Variants in SH3GL2 observed in about 807,000 individuals in gnomAD.
The protein encoded by SH3GL2 is endophilin-A1.
Under a neutral mutation model 46.0 loss-of-function variants are expected in SH3GL2, and 24 were observed. That is an observed-to-expected ratio of 0.52 (90% confidence interval 0.38 to 0.73). SH3GL2 has a LOEUF of 0.73. Among genes scored for constraint, SH3GL2 ranks in the 30% least tolerant of loss-of-function variants. The pLI is 0.00. For synonymous variants in SH3GL2, 196 were observed against 147.1 expected (o/e 1.33, Z -2.40); for missense variants, 413 against 424.2 (o/e 0.97, Z 0.23).
chr9:17,783,771 A>G (rs1189906974), intron 3 of SH3GL2, among the ~76,000 whole-genome samples: 1 of 152,130 alleles, frequency 6.6e-6, no homozygotes, highest in Non-Finnish European at 1.5e-5. Context: ...CCTTCTGGGA[A>G]TCACCTAGAA....
intron 1 of SH3GL2, among the ~76,000 whole-genome samples, chr9:17,636,484 C>G (rs928475912): frequency 4.6e-5 from 7 of 152,272 alleles, no homozygotes; most frequent in South Asian, 2.1e-4. Context: ...TTGCATTCTC[C>G]ACGTTGATCA....
chr9:17,739,422 A>G (rs1822458075), intron 1 of SH3GL2, among the ~76,000 whole-genome samples: 1 of 152,046 alleles, frequency 6.6e-6, no homozygotes, highest in African/African-American at 2.4e-5. Flanking sequence ...TGTTATTAGC[A>G]GATACTGTCT....
intron 1 of SH3GL2, among the ~76,000 whole-genome samples, chr9:17,629,180 T>C (rs1257638622): frequency 6.6e-6 from 1 of 152,212 alleles, no homozygotes; most frequent in Non-Finnish European, 1.5e-5. Flanking sequence ...GTGTGTGATC[T>C]GGATTAGTCA....
At chr9:17,744,289 A>T (rs1053503211) in intron 1 of SH3GL2, among the ~76,000 whole-genome samples, 5 of 152,200 alleles carry the variant, frequency 3.3e-5, no homozygotes, top group Non-Finnish European at 5.9e-5. Context: ...GGACAATATT[A>T]ATAACCTTTA....
chr9:17,714,269 G>A (rs111769864), intron 1 of SH3GL2, among the ~76,000 whole-genome samples: 32 of 151,456 alleles, frequency 2.1e-4, no homozygotes, highest in African/African-American at 7.3e-4. Context: ...TTGTAGGTTT[G>A]TAGTAAGCAA....
intron 3 of SH3GL2, among the ~76,000 whole-genome samples, chr9:17,784,035 CAG>C (rs1427929832): frequency 6.6e-6 from 1 of 152,014 alleles, no homozygotes; most frequent in Non-Finnish European, 1.5e-5. Context: ...TTTAATAACA[CAG>C]AAGTTTCATT....
intron 1 of SH3GL2, among the ~76,000 whole-genome samples, chr9:17,677,176 T>G (rs1185398047): frequency 1.3e-5 from 2 of 152,246 alleles, no homozygotes; most frequent in East Asian, 3.9e-4. Flanking sequence ...GAAAAACATT[T>G]TTTTTTCCTG....
chr9:17,746,774 T>A (rs751577687), intron 1 of SH3GL2, among the ~76,000 whole-genome samples: 6 of 152,136 alleles, frequency 3.9e-5, no homozygotes, highest in Non-Finnish European at 8.8e-5. Context: ...GAGGAAAATG[T>A]TAGGATTAGG....
At chr9:17,644,846 G>T (rs1056079805) in intron 1 of SH3GL2, among the ~76,000 whole-genome samples, 1 of 151,998 alleles carries the variant, frequency 6.6e-6, no homozygotes, top group Non-Finnish European at 1.5e-5. Context: ...GGTCTGCTTG[G>T]TCCAGAGCTG....
chr9:17,617,212 T>G (rs1819023683), intron 1 of SH3GL2, among the ~76,000 whole-genome samples: 1 of 152,222 alleles, frequency 6.6e-6, no homozygotes, highest in Non-Finnish European at 1.5e-5. Context: ...GAATATGCTA[T>G]TGGTGGACAT....
intron 1 of SH3GL2, among the ~76,000 whole-genome samples, chr9:17,739,817 T>C (rs980044661): frequency 6.6e-6 from 1 of 152,110 alleles, no homozygotes; most frequent in African/African-American, 2.4e-5. Flanking sequence ...TGCCCCATAG[T>C]CTATGGGAAT....
At chr9:17,580,483 T>C (rs533446253) in intron 1 of SH3GL2, among the ~76,000 whole-genome samples, 1 of 152,328 alleles carries the variant, frequency 6.6e-6, no homozygotes, top group Non-Finnish European at 1.5e-5. Context: ...CGCATCTGCA[T>C]CATCTTCATC....
chr9:17,595,593 A>C (rs1818555523), intron 1 of SH3GL2, among the ~76,000 whole-genome samples: 1 of 152,240 alleles, frequency 6.6e-6, no homozygotes, highest in African/African-American at 2.4e-5. Flanking sequence ...ACTTAGGTAC[A>C]AGATTGTTCA....
chr9:17,614,308 A>G (rs1438099405), intron 1 of SH3GL2, among the ~76,000 whole-genome samples: 2 of 150,778 alleles, frequency 1.3e-5, no homozygotes, highest in Non-Finnish European at 3.0e-5. Flanking sequence ...AAAAAAAAAA[A>G]AAAAAAAAAA....
chr9:17,609,523 C>A (rs1364666639), intron 1 of SH3GL2, among the ~76,000 whole-genome samples: 1 of 152,098 alleles, frequency 6.6e-6, no homozygotes, highest in African/African-American at 2.4e-5. Context: ...CACCTCCCTG[C>A]AGCTGTAGCC....
rs576180970 is a variant in SH3GL2 at position 17,761,628 on chromosome 9, C to G, written c.187+119C>G. 54 of 788,126 alleles carry G rather than the reference C, an allele frequency of 6.9e-5. 1 individual carries two copies. Among genetic ancestry groups the G allele is most frequent in the South Asian group, 6.6e-4 (49 of 74,012 alleles). 48.8% of individuals were successfully genotyped at this position (788,126 alleles called of 1,614,324 possible). ...GGTGTTGCTTCCTCGGTCCACTTTT[C>G]TGAGAGGTTAGCGACTTCATGGATA... On this transcript the variant is annotated intron_variant, in intron 3 of 8. Coordinates refer to ENST00000380607, the MANE Select transcript of SH3GL2 (RefSeq NM_003026.5).
chr9:17,756,383 T>G (rs987077402), intron 2 of SH3GL2, among the ~76,000 whole-genome samples: 5 of 152,046 alleles, frequency 3.3e-5, no homozygotes, highest in Non-Finnish European at 7.4e-5. Flanking sequence ...CTTGCAGGTT[T>G]GTTACATATG....
chr9:17,790,086 T>G (rs1563855662), intron 6 of SH3GL2, among the ~76,000 whole-genome samples: 1 of 152,064 alleles, frequency 6.6e-6, no homozygotes, highest in Non-Finnish European at 1.5e-5. Flanking sequence ...AGTCCCAGAG[T>G]CCAAAGGCCA....
At chr9:17,679,084 C>A (rs536009488) in intron 1 of SH3GL2, among the ~76,000 whole-genome samples, 1,660 of 152,156 alleles carry the variant, frequency 0.011, 34 homozygotes, top group African/African-American at 0.038. Flanking sequence ...CAGCTTTGTT[C>A]TTTTGGCTTA....
Sources: gnomAD v4.1 joint callset for allele counts (sites outside exome capture counted in the v4.1 genomes callset) on GRCh38, gnomAD v4.1.1 for gene constraint, MANE v1.5 for transcripts, NCBI Gene and HGNC (gene_info 2026-07-23, HGNC 2026-07-21) for gene names.